ACAP1: variants seen among roughly 807,000 people sequenced by gnomAD.
ACAP1 encodes the protein arf-GAP with coiled-coil, ANK repeat and PH domain-containing protein 1.
A neutral mutation model predicts 98.8 loss-of-function variants in ACAP1; 45 were observed. That is an observed-to-expected ratio of 0.46 (90% CI 0.36 to 0.58). ACAP1 has a LOEUF of 0.58. Ranked by LOEUF, ACAP1 falls within the 20% of genes least tolerant of loss-of-function variation. The probability of loss-of-function intolerance (pLI) is 0.00; values close to 1 mark genes in which losing one functional copy is unlikely to be tolerated. For missense variants in ACAP1, 735 were observed against 971.4 expected (o/e 0.76, Z 3.24); for synonymous variants, 362 against 375.3 (o/e 0.96, Z 0.41).
At chr17:7,349,667 G>C in intron 18 of ACAP1, 1 of 393,662 alleles carries the variant, frequency 2.5e-6, no homozygotes, top group Non-Finnish European at 4.6e-6. Context: ...GAGCCACTGT[G>C]CCCGGCCTAC....
chr17:7,346,684 G>T (rs1025765832), intron 12 of ACAP1, 124 bp from the exon 13 acceptor site: 15 of 1,263,434 alleles, frequency 1.2e-5, no homozygotes, highest in Non-Finnish European at 1.4e-5. Context: ...TTACCAACTG[G>T]TACAGAAGTC....
At chr17:7,351,192 A>G in intron 21 of ACAP1, 103 bp from the exon 22 acceptor site, 2 of 1,170,766 alleles carry the variant, frequency 1.7e-6, no homozygotes, top group South Asian at 2.9e-5. Context: ...GCACGTTCCC[A>G]CCCAGGCTCG....
In ACAP1 at chr17:7,336,571, C is replaced by T; in HGVS notation, c.-164C>T. The T allele has an allele frequency of 1.4e-6, 1 of 700,440 alleles. No homozygotes were observed. Among genetic ancestry groups the T allele is most frequent in the South Asian group, 1.6e-5 (1 of 61,198 alleles). 43.4% of individuals were successfully genotyped at this position (700,440 alleles called of 1,614,324 possible). A position where few individuals can be genotyped will look rare whatever the true frequency, so the allele number is the denominator to read the frequency against. On this transcript the variant is annotated 5_prime_UTR_variant, in exon 1 of 22. Coordinates refer to ENST00000158762, the MANE Select transcript of ACAP1 (RefSeq NM_014716.4). ...TGGGGTGAGAGCTCCTCCTAGGACA[C>T]CCCTTTCCCCTTGGGGAAAGAATTG...
intron 10 of ACAP1, chr17:7,345,319 CT>C (rs113321380): frequency 0.077 from 11,265 of 147,200 alleles, 516 homozygotes; most frequent in Non-Finnish European, 0.11. Flanking sequence ...TTTTTCTTTT[CT>C]TTTTTTTTTT....
Position 7,341,879 on chromosome 17 carries a change from G to GCAGGTGTGGGGGCATCAC in ACAP1, c.112-60_112-43dup, listed in dbSNP as rs2073283684. Reference sequence around the variant, plus strand: ...CCTGGGCAAGGGGAGAGGAAGTGGGGCAGGTGTGGGGGCATCACCAGGTGT... The same window carrying GCAGGTGTGGGGGCATCAC: ...CCTGGGCAAGGGGAGAGGAAGTGGGGCAGGTGTGGGGGCATCACCAGGTGTGGGGGCATCACCAGGTGT... On this transcript the variant is annotated intron_variant, in intron 2 of 21. Coordinates refer to ENST00000158762, the MANE Select transcript of ACAP1 (RefSeq NM_014716.4). 3 of 1,594,570 alleles carry GCAGGTGTGGGGGCATCAC rather than the reference G, an allele frequency of 1.9e-6. No individual in the cohort carries two copies. In the Admixed American group the frequency reaches 5.1e-5, roughly 27 times the overall value.
chr17:7,348,484 T>C lies in ACAP1; in HGVS notation c.1678+9T>C, dbSNP rs756903491. On this transcript the variant is annotated intron_variant, in intron 17 of 21. Transcript: ENST00000158762. ...CTTGAGATCCAAGCCAGGTATAGGG[T>C]TGGTTGGGCATTCATTGAGCATCTG... The C allele has an allele frequency of 3.4e-6, 5 of 1,465,450 alleles. No individual in the cohort carries two copies. The East Asian group carries it at 9.6e-5, about 28-fold the overall frequency. The allele number at this position is 1,465,450 out of a possible 1,614,324, so 90.8% of individuals were successfully genotyped here.
At chr17:7,345,062 T>TGAGG (rs1198879502) in intron 10 of ACAP1, among the ~76,000 whole-genome samples, 2 of 150,952 alleles carry the variant, frequency 1.3e-5, no homozygotes, top group East Asian at 3.9e-4. Flanking sequence ...CTGGACAGAG[T>TGAGG]GAGGGAGGAG....
intron 21 of ACAP1, 143 bp from the exon 22 acceptor site, chr17:7,351,152 G>A: frequency 9.1e-7 from 1 of 1,097,632 alleles, no homozygotes; most frequent in Non-Finnish European, 1.3e-6. Context: ...CCCTGGCAAG[G>A]CATAGGTGCT....
Position 7,350,718 on chromosome 17 carries a change from C to T in ACAP1, c.2073-232C>T, listed in dbSNP as rs566824011. The T allele has an allele frequency of 4.0e-6, 2 of 501,744 alleles. No homozygotes were observed. The highest frequency in any genetic ancestry group is 3.4e-5 in the Admixed American group (1 of 29,184). The allele number at this position is 501,744 out of a possible 1,614,324, so 31.1% of individuals were successfully genotyped here. On this transcript the variant is annotated intron_variant, in intron 20 of 21. Transcript: ENST00000158762. This position sits in a 1 kb window ranked among gnomAD's most constrained non-coding sequence, Gnocchi z 4.6. ...CCGCCTCCCGGGTTCAAGCGATTCT[C>T]CTGTCTCAGCCTCCCCTGAGTAGCT... is the stretch of plus-strand genomic sequence containing the variant.
chr17:7,347,300 A>C, intron 14 of ACAP1, 58 bp downstream of exon 14: 1 of 1,478,198 alleles, frequency 6.8e-7, no homozygotes, highest in Non-Finnish European at 9.3e-7. Flanking sequence ...TGCGGCTCCA[A>C]TACAGAGCGC....
Position 7,350,202 on chromosome 17 carries a change from C to A in ACAP1, c.2037C>A (p.Ile679=), listed in dbSNP as rs902528164. Residue 679 remains isoleucine, a synonymous_variant, in exon 20 of 22, where the codon ATC becomes ATA. Transcript: ENST00000158762. This position sits in a 1 kb window ranked among gnomAD's most constrained non-coding sequence, Gnocchi z 4.6. ...RDSEGRDPLT[I]AMETANADIV... Reference sequence around the variant, plus strand: ...CTGAAGGCAGGGACCCTCTGACCATCGCCATGGAAACAGCCAACGCTGACA... The same window carrying A: ...CTGAAGGCAGGGACCCTCTGACCATAGCCATGGAAACAGCCAACGCTGACA... The A allele has an allele frequency of 5.6e-6, 9 of 1,614,078 alleles. No homozygotes were observed. In the African/African-American group the frequency reaches 8.0e-5, roughly 14 times the overall value.
At position 7,347,144 on chromosome 17, in the gene ACAP1, T is replaced by C. The variant is rs376189504; in HGVS notation, c.1245T>C (p.Asp415=). Reference sequence around the variant, plus strand: ...TGGTGGCCCAGGTCCAGAGTGTGGATGGCAATGCCCAGTGCTGCGACTGCC... The same window carrying C: ...TGGTGGCCCAGGTCCAGAGTGTGGACGGCAATGCCCAGTGCTGCGACTGCC... ...GHVVAQVQSV[D]GNAQCCDCRE... The change falls in exon 14 of 22, where the codon GAT becomes GAC. Residue 415 remains aspartate, a synonymous_variant. Transcript: ENST00000158762. The C allele has an allele frequency of 1.3e-5, 21 of 1,613,918 alleles. No homozygotes were observed. Among genetic ancestry groups the C allele is most frequent in the Non-Finnish European group, 1.7e-5 (20 of 1,179,958 alleles).
At position 7,350,045 on chromosome 17, in the gene ACAP1, G is replaced by C. The variant is rs1313669279; in HGVS notation, c.1952G>C (p.Gly651Ala). The C allele has an allele frequency of 6.2e-7, 1 of 1,613,340 alleles. No homozygotes were observed. The highest frequency in any genetic ancestry group is 1.7e-5 in the Admixed American group (1 of 59,968). Residue 651 changes from glycine (G) to alanine (A), a missense_variant, in exon 19 of 22, where the codon GGC becomes GCC. Coordinates refer to ENST00000158762, the MANE Select transcript of ACAP1 (RefSeq NM_014716.4). The surrounding 1 kb of genome is among the most constrained non-coding windows in gnomAD (Gnocchi z 4.6). ...CCGCTGCACCACGCAACCATTCTTGGCCACACGGGGTAGGGATGATGGCAT... is the reference window on the plus strand; with the variant it reads ...CCGCTGCACCACGCAACCATTCTTGCCCACACGGGGTAGGGATGATGGCAT... ...RGPLHHATIL[G>A]HTGLACLFLK...
At chr17:7,349,285 G>GGA (rs2073379060) in intron 18 of ACAP1, 118 bp downstream of exon 18, 1 of 1,131,710 alleles carries the variant, frequency 8.8e-7, no homozygotes, top group African/African-American at 1.6e-5. Flanking sequence ...CCACCCATAG[G>GGA]GAGAGATCAA....
rs2073317505 is a variant in ACAP1 at position 7,343,644 on chromosome 17, G to A, written c.529-62G>A. ...CTTGGGGGTCTCCAGTGTGCAGTGG[G>A]AAGGGGTGCTGTGTCTTCAAGACTG... On this transcript the variant is annotated intron_variant, in intron 6 of 21. Coordinates refer to ENST00000158762, the MANE Select transcript of ACAP1 (RefSeq NM_014716.4). The surrounding 1 kb of genome is among the most constrained non-coding windows in gnomAD (Gnocchi z 4.9). 2 of 1,599,168 alleles carry A rather than the reference G, an allele frequency of 1.3e-6. No homozygotes were observed. The highest frequency in any genetic ancestry group is 1.7e-6 in the Non-Finnish European group (2 of 1,170,590).
Position 7,344,826 on chromosome 17 carries a change from G to A in ACAP1, c.854+178G>A, listed in dbSNP as rs1225888193. On this transcript the variant is annotated intron_variant, in intron 10 of 21. Coordinates refer to ENST00000158762, the MANE Select transcript of ACAP1 (RefSeq NM_014716.4). The surrounding 1 kb of genome is among the most constrained non-coding windows in gnomAD (Gnocchi z 4.9). Reference sequence around the variant, plus strand: ...TGTAAATTACGTGCTATGTTAGAAGGTGATAGTGCTTGCTATAGGAGAAAG... The same window carrying A: ...TGTAAATTACGTGCTATGTTAGAAGATGATAGTGCTTGCTATAGGAGAAAG... Among the ~76,000 whole-genome samples, 1 of 152,140 alleles carries A rather than the reference G, an allele frequency of 6.6e-6. No homozygotes were observed. Among genetic ancestry groups the A allele is most frequent in the Non-Finnish European group, 1.5e-5 (1 of 68,026 alleles).
intron 2 of ACAP1, among the ~76,000 whole-genome samples, chr17:7,338,335 C>G (rs992236242): frequency 2.0e-5 from 3 of 152,016 alleles, no homozygotes; most frequent in Non-Finnish European, 4.4e-5. Flanking sequence ...CTTACTGGAA[C>G]CTCCACCTCC....
At position 7,344,209 on chromosome 17, in the gene ACAP1, C is replaced by T. The variant is rs2073326084; in HGVS notation, c.744+86C>T. 32 of 1,407,798 alleles carry T rather than the reference C, an allele frequency of 2.3e-5. No individual in the cohort carries two copies. The highest frequency in any genetic ancestry group is 3.0e-5 in the Non-Finnish European group (31 of 1,021,620). The allele number at this position is 1,407,798 out of a possible 1,614,324, so 87.2% of individuals were successfully genotyped here. A position where few individuals can be genotyped will look rare whatever the true frequency, so the allele number is the denominator to read the frequency against. ...GGAAGATTGCTTGAGGCCTGGAGTT[C>T]AAGATTAGCCTAGGCATCGTAGTGA... is the stretch of plus-strand genomic sequence containing the variant. On this transcript the variant is annotated intron_variant, in intron 9 of 21. Coordinates refer to ENST00000158762, the MANE Select transcript of ACAP1 (RefSeq NM_014716.4). The surrounding 1 kb of genome is among the most constrained non-coding windows in gnomAD (Gnocchi z 4.9).
chr17:7,344,790 TA>T lies in ACAP1; in HGVS notation c.854+145del. On this transcript the variant is annotated intron_variant, in intron 10 of 21. Coordinates refer to ENST00000158762, the MANE Select transcript of ACAP1 (RefSeq NM_014716.4). The surrounding 1 kb of genome is among the most constrained non-coding windows in gnomAD (Gnocchi z 4.9). ...TCATTCCATCAGCAAAGACAGAGGA[TA>T]AACCTAGTATGTAAATTACGTGCTA... The T allele has an allele frequency of 1.6e-6, 1 of 633,272 alleles. No homozygotes were observed. The allele number at this position is 633,272 out of a possible 1,614,324, so 39.2% of individuals were successfully genotyped here.
Sources: gnomAD v4.1 joint callset for allele counts (sites outside exome capture counted in the v4.1 genomes callset) on GRCh38, gnomAD v4.1.1 for gene constraint, Gnocchi (gnomAD v3.1) non-coding constraint, MANE v1.5 for transcripts, NCBI Gene and HGNC (gene_info 2026-07-23, HGNC 2026-07-21) for gene names.